RBFOX1: variants seen among roughly 807,000 people sequenced by gnomAD.
RBFOX1 encodes RNA binding fox-1 homolog 1, also known as RNA binding protein fox-1 homolog 1.
Under a neutral mutation model 57.7 loss-of-function variants are expected in RBFOX1, and 8 were observed. The ratio of observed to expected loss-of-function variants is 0.14; its 90% CI spans 0.08 to 0.25. The LOEUF (loss-of-function observed/expected upper bound fraction) is 0.25. RBFOX1 is among the 10% of genes least tolerant of loss of function. The probability of loss-of-function intolerance (pLI) is 1.00; values close to 1 mark genes in which losing one functional copy is unlikely to be tolerated. For synonymous variants in RBFOX1, 326 were observed against 222.4 expected, an observed-to-expected ratio of 1.47 and a Z score of -4.15; for missense variants, 611 against 548.5, an observed-to-expected ratio of 1.11 and a Z score of -1.14.
chr16:6,617,815 G>T (rs137911930), intron 2 of RBFOX1, among the ~76,000 whole-genome samples: 1 of 152,142 alleles, frequency 6.6e-6, no homozygotes, highest in Non-Finnish European at 1.5e-5. Context: ...TTTTATTTAG[G>T]AAGATTAGAG....
At chr16:6,989,510 C>G (rs963188952) in intron 3 of RBFOX1, among the ~76,000 whole-genome samples, 37 of 152,096 alleles carry the variant, frequency 2.4e-4, no homozygotes, top group African/African-American at 8.9e-4. Context: ...TTTAGATAAA[C>G]TGATTTATTA....
intron 1 of RBFOX1, among the ~76,000 whole-genome samples, chr16:6,199,200 G>A (rs1298383946): frequency 6.6e-6 from 1 of 152,042 alleles, no homozygotes; most frequent in African/African-American, 2.4e-5. Context: ...GTAAATACTG[G>A]TTAAAACAAG....
At chr16:5,656,618 T>C (rs1294012123) in intron 3 of RBFOX1, among the ~76,000 whole-genome samples, 2 of 152,208 alleles carry the variant, frequency 1.3e-5, no homozygotes, top group Non-Finnish European at 2.9e-5. Context: ...ATATTTTTAG[T>C]TTCATGTAAA....
intron 5 of RBFOX1, among the ~76,000 whole-genome samples, chr16:7,567,251 CTA>C (rs373566639): frequency 0.56 from 39,511 of 70,090 alleles, 10,607 homozygotes; most frequent in Middle Eastern, 0.67. Flanking sequence ...CCATATATCC[CTA>C]TATATATATA....
chr16:7,557,117 A>G (rs989959106), intron 5 of RBFOX1, among the ~76,000 whole-genome samples: 5 of 152,058 alleles, frequency 3.3e-5, no homozygotes, highest in Non-Finnish European at 2.9e-5. Flanking sequence ...TTATAAACCC[A>G]TTTTACAGAT....
At chr16:5,317,930 A>G (rs2064287480) in intron 1 of RBFOX1, among the ~76,000 whole-genome samples, 1 of 152,014 alleles carries the variant, frequency 6.6e-6, no homozygotes. Flanking sequence ...ATAACTTCTC[A>G]TTTCCCCTGT....
intron 1 of RBFOX1, among the ~76,000 whole-genome samples, chr16:6,036,311 G>C (rs1361456413): frequency 6.6e-6 from 1 of 152,122 alleles, no homozygotes; most frequent in Non-Finnish European, 1.5e-5. Flanking sequence ...AGGCCAGGCT[G>C]CTCTGGGAAG....
intron 3 of RBFOX1, among the ~76,000 whole-genome samples, chr16:5,661,013 T>C (rs2049630055): frequency 6.6e-6 from 1 of 152,170 alleles, no homozygotes; most frequent in Non-Finnish European, 1.5e-5. Flanking sequence ...TAAGCTTTGC[T>C]GTGCTGGGGC....
At chr16:5,716,686 T>C (rs951443569) in intron 3 of RBFOX1, among the ~76,000 whole-genome samples, 5 of 152,376 alleles carry the variant, frequency 3.3e-5, no homozygotes, top group African/African-American at 1.2e-4. Context: ...AATACCACTC[T>C]GTCTTTAAAA....
intron 3 of RBFOX1, among the ~76,000 whole-genome samples, chr16:5,822,036 T>TGCTAAA (rs1319472706): frequency 6.6e-6 from 1 of 152,258 alleles, no homozygotes; most frequent in Non-Finnish European, 1.5e-5. Flanking sequence ...TCTATCCTTT[T>TGCTAAA]AGCAAATTAA....
intron 4 of RBFOX1, among the ~76,000 whole-genome samples, chr16:7,464,354 TC>T (rs1272948575): frequency 2.0e-5 from 3 of 152,062 alleles, no homozygotes; most frequent in Admixed American, 2.0e-4. Context: ...CTGACTCTTT[TC>T]CAAAGGAATA....
At chr16:7,688,254 T>TGA (rs1234300479) in intron 14 of RBFOX1, among the ~76,000 whole-genome samples, 1 of 115,686 alleles carries the variant, frequency 8.6e-6, no homozygotes, top group Admixed American at 8.5e-5. Flanking sequence ...TGTGTGTGTG[T>TGA]GTGTGTGAGA....
At chr16:6,702,711 C>G (rs923277648) in intron 3 of RBFOX1, among the ~76,000 whole-genome samples, 1 of 152,170 alleles carries the variant, frequency 6.6e-6, no homozygotes, top group Admixed American at 6.5e-5. Context: ...ACTGTTCTCT[C>G]TCTGGTTTTT....
At chr16:7,226,556 C>T (rs1281311753) in intron 4 of RBFOX1, among the ~76,000 whole-genome samples, 3 of 152,198 alleles carry the variant, frequency 2.0e-5, no homozygotes, top group African/African-American at 7.2e-5. Context: ...TCAATGGTGC[C>T]TCCATAGGGA....
intron 3 of RBFOX1, among the ~76,000 whole-genome samples, chr16:6,784,207 C>G (rs556860582): frequency 6.6e-6 from 1 of 151,940 alleles, no homozygotes; most frequent in East Asian, 1.9e-4. Context: ...AACTTTCTAT[C>G]CCAATCTCTT....
At chr16:5,905,075 T>G (rs1275486035) in intron 4 of RBFOX1, among the ~76,000 whole-genome samples, 4 of 144,866 alleles carry the variant, frequency 2.8e-5, no homozygotes, top group African/African-American at 1.0e-4. Context: ...TTTTTTTTTT[T>G]TTTTTTTTTG....
At chr16:5,607,393 C>T (rs754449193) in intron 3 of RBFOX1, among the ~76,000 whole-genome samples, 5 of 147,384 alleles carry the variant, frequency 3.4e-5, no homozygotes, top group Non-Finnish European at 5.9e-5. Flanking sequence ...TGACCTCAGG[C>T]ACAGATAGCG....
chr16:6,574,424 A>ATT (rs34505014), intron 2 of RBFOX1, among the ~76,000 whole-genome samples: 6,172 of 89,856 alleles, frequency 0.069, 759 homozygotes, highest in East Asian at 0.34. Context: ...CGTATCTTCT[A>ATT]TTTTTTTTTT....
intron 14 of RBFOX1, among the ~76,000 whole-genome samples, chr16:7,688,054 A>C (rs924673943): frequency 1.3e-5 from 2 of 152,076 alleles, no homozygotes; most frequent in Admixed American, 6.6e-5. Flanking sequence ...CTGGGCAGTC[A>C]GGGCTAAAAA....
Sources: gnomAD v4.1 joint callset for allele counts (sites outside exome capture counted in the v4.1 genomes callset) on GRCh38, gnomAD v4.1.1 for gene constraint, MANE v1.5 for transcripts, NCBI Gene and HGNC (gene_info 2026-07-23, HGNC 2026-07-21) for gene names.